The following ARB2A variants were observed in gnomAD, a reference collection of about 807,000 sequenced individuals.
The protein encoded by ARB2A is cotranscriptional regulator ARB2A.
the ARB2A span, among the ~76,000 whole-genome samples, chr5:94,014,894 C>T: frequency 2.0e-3 from 305 of 148,862 alleles, 2 homozygotes; most frequent in African/African-American, 7.3e-3. Context: ...CTACGAGATA[C>T]AGAAAATTAA....
At chr5:93,852,509 T>C in the ARB2A span, among the ~76,000 whole-genome samples, 1 of 152,192 alleles carries the variant, frequency 6.6e-6, no homozygotes, top group African/African-American at 2.4e-5. Flanking sequence ...TTTTGGTGTT[T>C]TAGACATGAA....
chr5:93,787,414 T>C, the ARB2A span, among the ~76,000 whole-genome samples: 1 of 152,222 alleles, frequency 6.6e-6, no homozygotes, highest in African/African-American at 2.4e-5. Context: ...AATTAAAATA[T>C]TGCTTTTGTC....
chr5:93,926,057 A>G, the ARB2A span, among the ~76,000 whole-genome samples: 1 of 152,204 alleles, frequency 6.6e-6, no homozygotes, highest in Non-Finnish European at 1.5e-5. Flanking sequence ...TCCATTTGCT[A>G]GGCTAGGCCT....
chr5:93,743,404 TAATGGTAAA>T, the ARB2A span: 95 of 234,462 alleles, frequency 4.1e-4, no homozygotes, highest in Non-Finnish European at 6.2e-4. Context: ...TCTGTAGCAT[TAATGGTAAA>T]AAGACTTCCA....
the ARB2A span, among the ~76,000 whole-genome samples, chr5:93,699,470 A>G: frequency 6.6e-6 from 1 of 152,176 alleles, no homozygotes; most frequent in East Asian, 1.9e-4. Context: ...TTCACTAACC[A>G]TTAATATAAA....
chr5:94,074,910 TTGTCTGCTTTGC>T, the ARB2A span: 1 of 557,484 alleles, frequency 1.8e-6, no homozygotes, highest in Non-Finnish European at 3.2e-6. Context: ...GTACTTATTA[TTGTCTGCTTTGC>T]ATTATACTTA....
At chr5:93,633,471 C>T in the ARB2A span, among the ~76,000 whole-genome samples, 1 of 152,134 alleles carries the variant, frequency 6.6e-6, no homozygotes, top group East Asian at 1.9e-4. Flanking sequence ...TCTCTGGCTC[C>T]AGCCTCCTTT....
chr5:93,935,083 GA>G, the ARB2A span, among the ~76,000 whole-genome samples: 2 of 152,092 alleles, frequency 1.3e-5, no homozygotes, highest in Non-Finnish European at 2.9e-5. Flanking sequence ...GGGCTTGGGG[GA>G]AAGGGTGGGA....
the ARB2A span, among the ~76,000 whole-genome samples, chr5:93,768,481 G>A: frequency 1.4e-5 from 2 of 145,364 alleles, no homozygotes; most frequent in East Asian, 2.0e-4. Context: ...ATATATATAT[G>A]TATATAAAAG....
chr5:93,883,454 A>G, the ARB2A span, among the ~76,000 whole-genome samples: 1 of 151,656 alleles, frequency 6.6e-6, no homozygotes, highest in Admixed American at 6.6e-5. Context: ...AGTTTTACCA[A>G]CAAAAGATAT....
At chr5:93,860,039 A>T in the ARB2A span, among the ~76,000 whole-genome samples, 1 of 152,322 alleles carries the variant, frequency 6.6e-6, no homozygotes, top group East Asian at 1.9e-4. Flanking sequence ...TCACACCTAT[A>T]ATCCCAGCAC....
At chr5:94,085,113 A>G in the ARB2A span, among the ~76,000 whole-genome samples, 1 of 152,180 alleles carries the variant, frequency 6.6e-6, no homozygotes, top group Non-Finnish European at 1.5e-5. Context: ...CTAGCATGAG[A>G]TATCCAAGTT....
the ARB2A span, among the ~76,000 whole-genome samples, chr5:93,670,915 T>G: frequency 6.6e-6 from 1 of 152,244 alleles, no homozygotes; most frequent in Non-Finnish European, 1.5e-5. Context: ...AATTATTTTT[T>G]CCTGCTAGAA....
the ARB2A span, among the ~76,000 whole-genome samples, chr5:94,089,956 A>C: frequency 2.6e-5 from 4 of 152,236 alleles, no homozygotes; most frequent in African/African-American, 9.6e-5. Flanking sequence ...AAACTCAAGA[A>C]TCTTACTATG....
the ARB2A span, among the ~76,000 whole-genome samples, chr5:93,770,114 T>G: frequency 6.6e-6 from 1 of 152,152 alleles, no homozygotes; most frequent in Non-Finnish European, 1.5e-5. Context: ...TAGATGCTCT[T>G]AAACCCGAAG....
chr5:93,896,972 G>T, the ARB2A span, among the ~76,000 whole-genome samples: 1 of 152,012 alleles, frequency 6.6e-6, no homozygotes, highest in South Asian at 2.1e-4. Flanking sequence ...TAGAGCATCA[G>T]ATTTTCAGTC....
the ARB2A span, among the ~76,000 whole-genome samples, chr5:93,887,153 TG>T: frequency 6.6e-6 from 1 of 151,186 alleles, no homozygotes; most frequent in South Asian, 2.1e-4. Context: ...AGGTCATGCA[TG>T]GGCTGATAGA....
chr5:93,854,959 A>C, the ARB2A span, among the ~76,000 whole-genome samples: 1 of 152,278 alleles, frequency 6.6e-6, no homozygotes, highest in African/African-American at 2.4e-5. Flanking sequence ...AGAGTTCTGT[A>C]GATGTCTATT....
At chr5:93,944,429 C>G in the ARB2A span, among the ~76,000 whole-genome samples, 1 of 151,832 alleles carries the variant, frequency 6.6e-6, no homozygotes, top group African/African-American at 2.4e-5. Flanking sequence ...GACCCCATCT[C>G]GCCAAAAAAA....
Sources: allele counts gnomAD v4.1 joint callset (sites outside exome capture counted in the v4.1 genomes callset), GRCh38; gene constraint gnomAD v4.1.1; transcripts MANE v1.5; gene names NCBI Gene and HGNC (gene_info 2026-07-23, HGNC 2026-07-21).